DNAH17: variants seen among roughly 807,000 people sequenced by gnomAD.
DNAH17 encodes the protein dynein axonemal heavy chain 17.
In DNAH17, 376 loss-of-function variants were observed where a neutral mutation model predicts 485.6. The observed-to-expected ratio is 0.77, with a 90% CI of 0.71 to 0.84. The LOEUF (loss-of-function observed/expected upper bound fraction) is 0.84, where lower values mean the gene tolerates loss of function less well. DNAH17 is among the 40% of genes least tolerant of loss of function. DNAH17 has a pLI of 0.00. For synonymous variants in DNAH17, 3,031 were observed against 2,405.9 expected, an observed-to-expected ratio of 1.26 and a Z score of -7.60; for missense variants, 6,370 against 5,839.3, an observed-to-expected ratio of 1.09 and a Z score of -2.96.
At chr17:78,475,592 C>G (rs1215395898) in intron 53 of DNAH17, 77 bp downstream of exon 53, 1 of 1,601,336 alleles carries the variant, frequency 6.2e-7, no homozygotes, top group African/African-American at 1.3e-5. Context: ...CAATGCCACT[C>G]GGATGTCGAT....
At chr17:78,480,004 C>A (rs2089276680) in intron 49 of DNAH17, among the ~76,000 whole-genome samples, 5 of 107,586 alleles carry the variant, frequency 4.6e-5, no homozygotes, top group African/African-American at 1.3e-4. Flanking sequence ...TTCAGATAAA[C>A]AACAAGTACT....
chr17:78,502,266 T>TA (rs902352874), intron 33 of DNAH17: 6 of 228,438 alleles, frequency 2.6e-5, no homozygotes, highest in Non-Finnish European at 4.8e-5. Context: ...TAAATTCTCC[T>TA]TCTTTTCAAG....
chr17:78,552,073 C>T (rs1198239835), intron 15 of DNAH17, among the ~76,000 whole-genome samples: 2 of 152,100 alleles, frequency 1.3e-5, no homozygotes, highest in Admixed American at 6.5e-5. Flanking sequence ...AACATGATTC[C>T]CAGAAGAAAT....
At chr17:78,515,743 G>C (rs2143137445) in intron 25 of DNAH17, among the ~76,000 whole-genome samples, 1 of 152,338 alleles carries the variant, frequency 6.6e-6, no homozygotes, top group South Asian at 2.1e-4. Context: ...CTGCACTGTG[G>C]AACCAGTCCT....
intron 79 of DNAH17, 57 bp from the exon 80 acceptor site, chr17:78,425,628 C>G: frequency 6.8e-7 from 1 of 1,478,330 alleles, no homozygotes; most frequent in East Asian, 2.4e-5. Flanking sequence ...TGGGAACGAC[C>G]GGGCCTTGGC....
At chr17:78,556,920 G>C (rs1482721815) in intron 14 of DNAH17, among the ~76,000 whole-genome samples, 3 of 152,170 alleles carry the variant, frequency 2.0e-5, no homozygotes, top group African/African-American at 7.2e-5. Flanking sequence ...AGAGAAAACA[G>C]AACACGTATG....
chr17:78,449,791 C>A, intron 68 of DNAH17: 2 of 549,424 alleles, frequency 3.6e-6, no homozygotes, highest in Non-Finnish European at 3.2e-6. Context: ...AGTGTTCAAG[C>A]GATTCTCCTG....
intron 30 of DNAH17, among the ~76,000 whole-genome samples, chr17:78,506,140 A>ATTTTTT (rs66859821): frequency 3.1e-5 from 4 of 128,286 alleles, no homozygotes; most frequent in Non-Finnish European, 4.8e-5. Flanking sequence ...CACCTAGTTA[A>ATTTTTT]TTTTTTTTTT....
chr17:78,438,174 C>A (rs1466136298), intron 73 of DNAH17, among the ~76,000 whole-genome samples: 2 of 151,600 alleles, frequency 1.3e-5, no homozygotes, highest in East Asian at 4.0e-4. Context: ...TTCTGTGGTC[C>A]CCACCCCTCC....
At chr17:78,468,498 G>T in intron 55 of DNAH17, 119 bp downstream of exon 55, 2 of 1,335,374 alleles carry the variant, frequency 1.5e-6, no homozygotes. Flanking sequence ...TCTCCTAACA[G>T]GATTTCACAT....
In DNAH17 at chr17:78,433,154, C is replaced by T. The variant is rs149555231; in HGVS notation, c.12225+875G>A. ...ACCCAGGGTTTATAGGGGTGTGCAC[C>T]GCCCTCTGCCTTCTGGGCGAGGGGC... On this transcript the variant is annotated intron_variant, in intron 75 of 80. Transcript: ENST00000389840. Among the ~76,000 whole-genome samples, 95 of 152,292 alleles carry T rather than the reference C, an allele frequency of 6.2e-4. 1 individual carries two copies. The highest frequency in any genetic ancestry group is 1.7e-3 in the East Asian group (9 of 5,174).
At chr17:78,538,242 G>C (rs537201801) in intron 18 of DNAH17, among the ~76,000 whole-genome samples, 6 of 152,112 alleles carry the variant, frequency 3.9e-5, no homozygotes, top group East Asian at 1.9e-4. Context: ...AGGTACTGCA[G>C]GGGCTGGCCA....
chr17:78,446,304 C>T (rs150276445), intron 69 of DNAH17, among the ~76,000 whole-genome samples: 128 of 151,806 alleles, frequency 8.4e-4, no homozygotes, highest in African/African-American at 2.8e-3. Flanking sequence ...TTTTTGTTAC[C>T]CCCTCGCCCC....
chr17:78,548,544 A>G (rs1028987400), intron 16 of DNAH17, among the ~76,000 whole-genome samples: 1 of 152,094 alleles, frequency 6.6e-6, no homozygotes, highest in African/African-American at 2.4e-5. Context: ...TAGGTTTACT[A>G]AATAAAGAGC....
At chr17:78,570,422 T>C (rs2092335235) in intron 6 of DNAH17, 50 bp from the exon 7 acceptor site, 1 of 1,575,470 alleles carries the variant, frequency 6.3e-7, no homozygotes, top group East Asian at 2.3e-5. Flanking sequence ...CCGCTGCACC[T>C]TATCCCGGTG....
intron 11 of DNAH17, among the ~76,000 whole-genome samples, 157 bp downstream of exon 11, chr17:78,566,457 C>T (rs1309201958): frequency 3.3e-5 from 5 of 152,160 alleles, no homozygotes; most frequent in Non-Finnish European, 4.4e-5. Flanking sequence ...TGGGTGTTCA[C>T]GGCTGACTGA....
intron 51 of DNAH17, 126 bp from the exon 52 acceptor site, chr17:78,476,859 A>G (rs751325686): frequency 6.3e-5 from 74 of 1,176,686 alleles, no homozygotes; most frequent in Admixed American, 5.8e-5. Flanking sequence ...CTGTTGGCAC[A>G]GCATTCACTT....
Position 78,552,679 on chromosome 17 carries a change from G to A in DNAH17, c.2287+18C>T, listed in dbSNP as rs1261268046. On this transcript the variant is annotated intron_variant, in intron 15 of 80. Transcript: ENST00000389840. ...CTCCCAAGTTTAATCCAATGTGGGA[G>A]GAATGTGGCCTCCGTACCTTCGCCA... 2 of 1,589,532 alleles carry A rather than the reference G, an allele frequency of 1.3e-6. No individual in the cohort carries two copies. The highest frequency in any genetic ancestry group is 1.7e-6 in the Non-Finnish European group (2 of 1,157,816).
chr17:78,490,960 G>C, intron 43 of DNAH17, 113 bp from the exon 44 acceptor site: 1 of 1,297,310 alleles, frequency 7.7e-7, no homozygotes, highest in Non-Finnish European at 1.0e-6. Flanking sequence ...AGGGGCCCAG[G>C]CCAGCCCTGC....
Sources: allele counts gnomAD v4.1 joint callset (sites outside exome capture counted in the v4.1 genomes callset), GRCh38; gene constraint gnomAD v4.1.1; transcripts MANE v1.5; gene names NCBI Gene and HGNC (gene_info 2026-07-23, HGNC 2026-07-21).